The following CIBAR2 variants were observed in gnomAD, a reference collection of about 807,000 sequenced individuals.
CIBAR2 encodes CBY1-interacting BAR domain-containing protein 2.
In CIBAR2, 38 loss-of-function variants were observed where a neutral mutation model predicts 36.2. The ratio of observed to expected loss-of-function variants is 1.05; its 90% CI spans 0.81 to 1.38. The LOEUF (loss-of-function observed/expected upper bound fraction) is 1.38. CIBAR2 is among the 40% of genes most tolerant of loss of function. The probability of loss-of-function intolerance (pLI) is 0.00; values close to 1 mark genes in which losing one functional copy is unlikely to be tolerated. For missense variants in CIBAR2, 481 were observed against 383.4 expected (o/e 1.25, Z -2.13); for synonymous variants, 182 against 149.5 (o/e 1.22, Z -1.58).
At chr16:85,110,704 CT>C (rs746973381) in intron 1 of CIBAR2, among the ~76,000 whole-genome samples, 210 of 93,870 alleles carry the variant, frequency 2.2e-3, no homozygotes, top group East Asian at 0.014. Flanking sequence ...CAGACCTGGC[CT>C]TTTTTTTTTT....
intron 2 of CIBAR2, 117 bp downstream of exon 2, chr16:85,110,109 C>G (rs1252392640): frequency 1.7e-5 from 12 of 716,376 alleles, no homozygotes; most frequent in African/African-American, 1.2e-4. Flanking sequence ...GTGGATGTCT[C>G]TGGAGACACA....
At position 85,100,230 on chromosome 16, in the gene CIBAR2, G is replaced by A; in HGVS notation, c.662C>T (p.Ala221Val). The A allele has an allele frequency of 1.2e-6, 2 of 1,608,594 alleles. No individual in the cohort carries two copies. The highest frequency in any genetic ancestry group is 1.7e-6 in the Non-Finnish European group (2 of 1,177,714). ...DLERDLLDFR[A>V]KMQGVYGHYD... Reference sequence around the variant, plus strand: ...ATGCCCATAAACTCCTTGCATCTTGGCTCTAAAATCCTGCCGGGGAGAGAC... The same window carrying A: ...ATGCCCATAAACTCCTTGCATCTTGACTCTAAAATCCTGCCGGGGAGAGAC... The change falls in exon 8 of 9, where the codon GCC (alanine) becomes GTC (valine). Residue 221 changes from alanine (A) to valine (V), a missense_variant. By Grantham distance (64) the Ala-to-Val change is moderately conservative (BLOSUM62 0). Transcript: ENST00000539556.
chr16:85,112,292 T>G (rs1337858071), intron 1 of CIBAR2, 41 bp downstream of exon 1: 2 of 1,563,200 alleles, frequency 1.3e-6, no homozygotes, highest in Non-Finnish European at 8.7e-7. Context: ...AAAACCCGAC[T>G]TCCACCTCCC....
At chr16:85,108,293 G>T (rs540965469) in intron 2 of CIBAR2, among the ~76,000 whole-genome samples, 194 bp from the exon 3 acceptor site, 1 of 152,160 alleles carries the variant, frequency 6.6e-6, no homozygotes, top group African/African-American at 2.4e-5. Flanking sequence ...TCTGCCTCCC[G>T]AGGGCTCCAG....
chr16:85,098,583 C>A lies in CIBAR2; in HGVS notation c.*602G>T, dbSNP rs1567555859. The A allele has an allele frequency of 1.8e-5, 18 of 985,898 alleles. No homozygotes were observed. Among genetic ancestry groups the A allele is most frequent in the Non-Finnish European group, 2.2e-5 (18 of 830,030 alleles). The allele number at this position is 985,898 out of a possible 1,614,324, so 61.1% of individuals were successfully genotyped here. ...GCAGTTCTCTCTTATGGGGTCCCTG[C>A]CCCAGTGCCCTGAGGTCCTCCACGG... is the stretch of plus-strand genomic sequence containing the variant. On this transcript the variant is annotated 3_prime_UTR_variant, in exon 9 of 9. Transcript: ENST00000539556.
intron 6 of CIBAR2, among the ~76,000 whole-genome samples, chr16:85,102,712 G>A (rs1005977479): frequency 2.6e-5 from 4 of 152,158 alleles, no homozygotes; most frequent in African/African-American, 4.8e-5. Flanking sequence ...GAGGAGACTT[G>A]CTCTCCATCC....
intron 7 of CIBAR2, among the ~76,000 whole-genome samples, chr16:85,100,569 C>A (rs1487829177): frequency 8.8e-6 from 1 of 113,782 alleles, no homozygotes; most frequent in South Asian, 2.9e-4. Context: ...GAGAGCCCCT[C>A]TGACCTGCAT....
chr16:85,110,798 G>A (rs1189725511), intron 1 of CIBAR2, among the ~76,000 whole-genome samples: 2 of 148,512 alleles, frequency 1.3e-5, no homozygotes, highest in African/African-American at 5.1e-5. Flanking sequence ...TCTGCCTCCT[G>A]GTTTCAAGTA....
chr16:85,109,789 G>T (rs1465800792), intron 2 of CIBAR2, among the ~76,000 whole-genome samples: 1 of 152,158 alleles, frequency 6.6e-6, no homozygotes, highest in African/African-American at 2.4e-5. Context: ...GTGAGCACCT[G>T]GCCCTTTTTT....
intron 2 of CIBAR2, among the ~76,000 whole-genome samples, chr16:85,109,771 T>C (rs1035868763): frequency 2.6e-5 from 4 of 152,194 alleles, no homozygotes; most frequent in South Asian, 2.1e-4. Flanking sequence ...AGTGCTGAGA[T>C]TACAGGTGTG....
intron 5 of CIBAR2, 25 bp downstream of exon 5, chr16:85,107,642 C>T (rs1567560961): frequency 1.9e-6 from 3 of 1,612,802 alleles, no homozygotes; most frequent in African/African-American, 2.7e-5. Flanking sequence ...ATTCTGCCTG[C>T]CCCAGACAGA....
chr16:85,110,434 T>G lies in CIBAR2; in HGVS notation c.47A>C (p.Asn16Thr), dbSNP rs1343745177. 6 of 1,608,866 alleles carry G rather than the reference T, an allele frequency of 3.7e-6. No homozygotes were observed. In the South Asian group the frequency reaches 5.5e-5, roughly 15 times the overall value. The part of the protein sequence containing the change: ...SRDSQVRVME[N>T]TVANTEKYFG... ...GTACTTCTCGGTGTTGGCCACGGTA[T>G]TCTCCATCACCCTCACCTGGCTGTC... The change falls in exon 2 of 9, where the codon AAT becomes ACT. Residue 16 changes from asparagine to threonine, a missense_variant. Transcript: ENST00000539556.
chr16:85,109,397 G>A (rs1161586214), intron 2 of CIBAR2, among the ~76,000 whole-genome samples: 1 of 152,164 alleles, frequency 6.6e-6, no homozygotes, highest in African/African-American at 2.4e-5. Context: ...CATGGGCATC[G>A]TGGGTTGTGT....
rs200395226 is a variant in CIBAR2, at chr16:85,102,277, C to T, written c.588G>A (p.Ala196=). Residue 196 remains alanine (A), a synonymous_variant, in exon 7 of 9, where the codon GCG becomes GCA. Coordinates refer to ENST00000539556, the MANE Select transcript of CIBAR2 (RefSeq NM_198491.3). ...GGAAGGCGCTAGAATACACCTCCACCGCTTTGGCATGGAAAACCATCTCAA... is the reference window on the plus strand; with the variant it reads ...GGAAGGCGCTAGAATACACCTCCACTGCTTTGGCATGGAAAACCATCTCAA... ...VTIEMVFHAK[A]VEVYSSAFQT... is the part of the protein sequence containing the mutation. The T allele has an allele frequency of 1.3e-5, 21 of 1,613,794 alleles. No individual in the cohort carries two copies. In the East Asian group the frequency reaches 2.5e-4, roughly 19 times the overall value.
At chr16:85,107,741 A>C (rs959788354) in intron 4 of CIBAR2, 69 bp from the exon 5 acceptor site, 1 of 1,599,416 alleles carries the variant, frequency 6.3e-7, no homozygotes, top group African/African-American at 1.3e-5. Context: ...CGCCCCCTTC[A>C]CAGCCCCTGC....
Position 85,107,885 on chromosome 16 carries a change from CTCCAGTTTT to C in CIBAR2, c.378_386del (p.Glu129_Leu131del), listed in dbSNP as rs758443637. On this transcript the variant is annotated inframe_deletion, in exon 4 of 9. Transcript: ENST00000539556. Reference sequence around the variant, plus strand: ...CCGAGGGTGACTTCTGCCTCAGTTTCTCCAGTTTTTCCAGTTGTTTGATCTCATGATTTT... The same window carrying C: ...CCGAGGGTGACTTCTGCCTCAGTTTCTCCAGTTGTTTGATCTCATGATTTT... 8 of 1,614,152 alleles carry C rather than the reference CTCCAGTTTT, an allele frequency of 5.0e-6. 1 individual carries two copies. The highest frequency in any genetic ancestry group is 6.8e-6 in the Non-Finnish European group (8 of 1,179,994).
At chr16:85,099,773 A>AGCCTG (rs2073940134) in intron 8 of CIBAR2, among the ~76,000 whole-genome samples, 1 of 135,050 alleles carries the variant, frequency 7.4e-6, no homozygotes, top group Non-Finnish European at 1.6e-5. Flanking sequence ...ACAGGCATAC[A>AGCCTG]CCACCACACC....
intron 8 of CIBAR2, 65 bp from the exon 9 acceptor site, chr16:85,099,411 T>C (rs1228924850): frequency 1.1e-6 from 1 of 919,824 alleles, no homozygotes; most frequent in African/African-American, 1.6e-5. Flanking sequence ...ATCTAATGTA[T>C]GTACCTAATC....
At position 85,105,490 on chromosome 16, in the gene CIBAR2, A is replaced by T. The variant is rs965707173; in HGVS notation, c.433-59T>A. 19 of 1,220,542 alleles carry T rather than the reference A, an allele frequency of 1.6e-5. No individual in the cohort carries two copies. The Admixed American group carries it at 2.1e-4, about 13-fold the overall frequency. 75.6% of individuals were successfully genotyped at this position (1,220,542 alleles called of 1,614,324 possible). A position where few individuals can be genotyped will look rare whatever the true frequency, so the allele number is the denominator to read the frequency against. On this transcript the variant is annotated intron_variant, in intron 5 of 8. Transcript: ENST00000539556. ...ATGGGGGTGCTTCTGGCCCTTAGAC[A>T]CCTTTCTGAATCACTCTGTCTCTAA...
Sources: allele counts gnomAD v4.1 joint callset (sites outside exome capture counted in the v4.1 genomes callset), GRCh38; gene constraint gnomAD v4.1.1; transcripts MANE v1.5; gene names NCBI Gene and HGNC (gene_info 2026-07-23, HGNC 2026-07-21).